The following AUTS2 variants were observed in gnomAD, a reference collection of about 807,000 sequenced individuals.
The protein encoded by AUTS2 is autism susceptibility gene 2 protein.
A neutral mutation model predicts 112.4 loss-of-function variants in AUTS2; 17 were observed. The observed-to-expected ratio is 0.15, with a 90% CI of 0.10 to 0.23. The LOEUF (loss-of-function observed/expected upper bound fraction) is 0.23. Among genes scored for constraint, AUTS2 ranks in the 10% least tolerant of loss-of-function variants. AUTS2 has a pLI of 1.00. For missense variants in AUTS2, 1,510 were observed against 1,701.6 expected (o/e 0.89, Z 1.98); for synonymous variants, 751 against 702.7 (o/e 1.07, Z -1.09).
intron 2 of AUTS2, among the ~76,000 whole-genome samples, chr7:69,947,804 T>C (rs1796874482): frequency 6.6e-6 from 1 of 152,194 alleles, no homozygotes; most frequent in African/African-American, 2.4e-5. Flanking sequence ...AGGCTTTGTG[T>C]TAACCACTGT....
At chr7:69,769,730 G>A (rs969420371) in intron 1 of AUTS2, among the ~76,000 whole-genome samples, 2 of 152,132 alleles carry the variant, frequency 1.3e-5, no homozygotes, top group African/African-American at 2.4e-5. Context: ...CCCAACCCAC[G>A]GAGTAAACTT....
At chr7:70,751,806 C>T (rs893216342) in intron 6 of AUTS2, among the ~76,000 whole-genome samples, 5 of 151,988 alleles carry the variant, frequency 3.3e-5, no homozygotes, top group Admixed American at 2.6e-4. Context: ...CTGCAACCTC[C>T]GCCTCCTGGG....
intron 5 of AUTS2, among the ~76,000 whole-genome samples, chr7:70,685,297 A>T (rs1457563869): frequency 6.6e-6 from 1 of 151,800 alleles, no homozygotes; most frequent in Non-Finnish European, 1.5e-5. Context: ...ACACGGTGAA[A>T]TCCCGCCTCT....
intron 1 of AUTS2, among the ~76,000 whole-genome samples, chr7:69,623,020 A>G (rs1281253904): frequency 1.3e-5 from 2 of 152,164 alleles, no homozygotes; most frequent in Non-Finnish European, 2.9e-5. Flanking sequence ...TTTGTCACAC[A>G]TGTTGGGTAT....
chr7:69,873,296 A>T (rs935614332), intron 1 of AUTS2, among the ~76,000 whole-genome samples: 11 of 152,154 alleles, frequency 7.2e-5, no homozygotes, highest in African/African-American at 2.4e-4. Flanking sequence ...GCTCTGCAGC[A>T]TAGGAGCTGG....
intron 2 of AUTS2, among the ~76,000 whole-genome samples, chr7:70,035,985 C>T (rs1800983621): frequency 6.6e-6 from 1 of 152,296 alleles, no homozygotes; most frequent in African/African-American, 2.4e-5. Context: ...GTACAGATAA[C>T]ACAAGTAATA....
intron 5 of AUTS2, among the ~76,000 whole-genome samples, chr7:70,548,080 T>G (rs937442864): frequency 3.3e-5 from 5 of 152,224 alleles, no homozygotes; most frequent in Admixed American, 1.3e-4. Context: ...TTTTCAAGAT[T>G]GTTTTGGCTT....
intron 2 of AUTS2, among the ~76,000 whole-genome samples, chr7:69,927,221 C>A (rs1796056692): frequency 6.9e-6 from 1 of 144,556 alleles, no homozygotes; most frequent in South Asian, 2.2e-4. Flanking sequence ...CTATATATAT[C>A]TTTAATTTAC....
intron 6 of AUTS2, among the ~76,000 whole-genome samples, chr7:70,715,912 C>T (rs1810339950): frequency 6.6e-6 from 1 of 152,134 alleles, no homozygotes; most frequent in South Asian, 2.1e-4. Flanking sequence ...CCATGGTGAC[C>T]CACAGGGTGC....
chr7:70,591,821 G>A (rs1802963848), intron 5 of AUTS2, among the ~76,000 whole-genome samples: 1 of 152,180 alleles, frequency 6.6e-6, no homozygotes, highest in East Asian at 1.9e-4. Flanking sequence ...TGATCTGGCT[G>A]TGAGCAGATA....
In AUTS2 at chr7:70,791,112, T is replaced by TC; in HGVS notation, c.*120dup. On this transcript the variant is annotated 3_prime_UTR_variant, in exon 19 of 19. Coordinates refer to ENST00000342771, the MANE Select transcript of AUTS2 (RefSeq NM_015570.4). ...GACTGGGGGGGAAAGCCCCACCCCT[T>TC]CCCCTTGTAAAAAATGTATAGACTC... is the stretch of plus-strand genomic sequence containing the variant. 1 of 1,082,596 alleles carries TC rather than the reference T, an allele frequency of 9.2e-7. No homozygotes were observed. Among genetic ancestry groups the TC allele is most frequent in the Non-Finnish European group, 1.2e-6 (1 of 830,442 alleles). The allele number at this position is 1,082,596 out of a possible 1,614,324, so 67.1% of individuals were successfully genotyped here. A position where few individuals can be genotyped will look rare whatever the true frequency, so the allele number is the denominator to read the frequency against.
At chr7:70,054,302 T>A (rs1043464960) in intron 2 of AUTS2, among the ~76,000 whole-genome samples, 1 of 152,212 alleles carries the variant, frequency 6.6e-6, no homozygotes, top group Non-Finnish European at 1.5e-5. Context: ...CTCCTTTACT[T>A]GTCCCCTTCT....
intron 5 of AUTS2, among the ~76,000 whole-genome samples, chr7:70,524,420 C>T (rs55931232): frequency 2.6e-5 from 4 of 152,204 alleles, no homozygotes; most frequent in Non-Finnish European, 4.4e-5. Flanking sequence ...CCTTAGAATC[C>T]AGGGGCCTCA....
At chr7:70,290,242 G>A in intron 4 of AUTS2, 1 of 1,037,908 alleles carries the variant, frequency 9.6e-7, no homozygotes, top group South Asian at 2.2e-5. Context: ...GTGTAAAGGA[G>A]AAATAATTTC....
rs1792015979 is a variant in AUTS2 at position 70,792,255 on chromosome 7, CTT to C, written c.*1260_*1261del. The C allele has an allele frequency of 6.6e-6, 1 of 152,420 alleles. No individual in the cohort carries two copies. Among genetic ancestry groups the C allele is most frequent in the South Asian group, 2.1e-4 (1 of 4,824 alleles). The allele number at this position is 152,420 out of a possible 1,614,324, so 9.4% of individuals were successfully genotyped here. A position where few individuals can be genotyped will look rare whatever the true frequency, so the allele number is the denominator to read the frequency against. On this transcript the variant is annotated 3_prime_UTR_variant, in exon 19 of 19. Transcript: ENST00000342771. The stretch of plus-strand genomic sequence containing the variant: ...GGTGAAAGATGGCAGAAAAAAAAGT[CTT>C]GTGTGTGAGTGTGTTTTTTGAGTTT...
At chr7:70,583,015 C>T (rs944700683) in intron 5 of AUTS2, among the ~76,000 whole-genome samples, 2 of 152,156 alleles carry the variant, frequency 1.3e-5, no homozygotes, top group African/African-American at 4.8e-5. Flanking sequence ...GTATCTTTAA[C>T]CTTTTGTCCA....
At chr7:70,054,193 C>A (rs1466346709) in intron 2 of AUTS2, among the ~76,000 whole-genome samples, 1 of 152,094 alleles carries the variant, frequency 6.6e-6, no homozygotes, top group Non-Finnish European at 1.5e-5. Context: ...TTTGCATAGC[C>A]ATGTGTAGCC....
intron 4 of AUTS2, among the ~76,000 whole-genome samples, chr7:70,265,450 G>C (rs1787372358): frequency 6.6e-6 from 1 of 152,120 alleles, no homozygotes; most frequent in Admixed American, 6.5e-5. Flanking sequence ...GGAATTAGGG[G>C]AGCATTGGAA....
At chr7:70,278,766 T>C (rs1420847061) in intron 4 of AUTS2, among the ~76,000 whole-genome samples, 2 of 152,352 alleles carry the variant, frequency 1.3e-5, no homozygotes, top group Non-Finnish European at 2.9e-5. Context: ...TCAGACATAC[T>C]GAAAATCAGC....
Sources: allele counts gnomAD v4.1 joint callset (sites outside exome capture counted in the v4.1 genomes callset), GRCh38; gene constraint gnomAD v4.1.1; transcripts MANE v1.5; gene names NCBI Gene and HGNC (gene_info 2026-07-23, HGNC 2026-07-21).